Variants in SUMF1 observed in about 807,000 individuals in gnomAD.
The protein encoded by SUMF1 is sulfatase modifying factor 1.
In SUMF1, 48 loss-of-function variants were observed where a neutral mutation model predicts 47.6. The ratio of observed to expected loss-of-function variants is 1.01; its 90% CI spans 0.80 to 1.28. SUMF1 has a LOEUF of 1.28. Ranked by LOEUF, SUMF1 falls within the 50% of genes most tolerant of loss-of-function variation. The pLI is 0.00. For missense variants in SUMF1, 571 were observed against 485.4 expected, an observed-to-expected ratio of 1.18 and a Z score of -1.66; for synonymous variants, 230 against 192.1, an observed-to-expected ratio of 1.20 and a Z score of -1.63.
At chr3:4,335,296 C>A (rs4685739) in intron 8 of SUMF1, among the ~76,000 whole-genome samples, 1 of 151,486 alleles carries the variant, frequency 6.6e-6, no homozygotes, top group Admixed American at 6.6e-5. Flanking sequence ...AAGACCAGAC[C>A]ACCCTACCTA....
intron 8 of SUMF1, among the ~76,000 whole-genome samples, chr3:4,282,530 T>C (rs1217773756): frequency 2.6e-5 from 4 of 152,160 alleles, no homozygotes; most frequent in Non-Finnish European, 5.9e-5. Flanking sequence ...GTACTGCGAG[T>C]GGGGAAAAAT....
At chr3:4,113,635 T>C (rs1007011222) in intron 8 of SUMF1, among the ~76,000 whole-genome samples, 3 of 152,052 alleles carry the variant, frequency 2.0e-5, no homozygotes, top group Non-Finnish European at 4.4e-5. Flanking sequence ...TTTAAACTAG[T>C]AATGCTAAAA....
chr3:4,427,435 A>G (rs1702103191), intron 3 of SUMF1, among the ~76,000 whole-genome samples: 1 of 152,236 alleles, frequency 6.6e-6, no homozygotes, highest in Admixed American at 6.5e-5. Context: ...TGGAGTAAAG[A>G]GCACACAGTA....
At chr3:4,072,223 T>C (rs926606351) in intron 8 of SUMF1, among the ~76,000 whole-genome samples, 2 of 152,084 alleles carry the variant, frequency 1.3e-5, no homozygotes, top group African/African-American at 2.4e-5. Flanking sequence ...GAAGGAAAAC[T>C]AACGAATACA....
At chr3:4,432,375 C>A (rs984705898) in intron 3 of SUMF1, among the ~76,000 whole-genome samples, 4 of 152,188 alleles carry the variant, frequency 2.6e-5, no homozygotes. Context: ...TCACAAAACC[C>A]CATACAGAAC....
chr3:4,190,879 A>C (rs1157603002), intron 8 of SUMF1, among the ~76,000 whole-genome samples: 1 of 152,136 alleles, frequency 6.6e-6, no homozygotes, highest in Non-Finnish European at 1.5e-5. Context: ...CTATGTCCCC[A>C]CTATAATCGG....
intron 8 of SUMF1, among the ~76,000 whole-genome samples, chr3:4,150,181 T>G (rs1694285176): frequency 1.3e-5 from 2 of 151,940 alleles, no homozygotes; most frequent in African/African-American, 4.8e-5. Context: ...GCAGCCTTGA[T>G]CTCCTGGGCT....
At chr3:4,450,391 T>C (rs779007834) in intron 2 of SUMF1, among the ~76,000 whole-genome samples, 2 of 152,212 alleles carry the variant, frequency 1.3e-5, no homozygotes, top group African/African-American at 2.4e-5. Flanking sequence ...TGGATCCTTA[T>C]ATTGCAGATC....
chr3:4,235,759 A>AT (rs1247890198), intron 8 of SUMF1, among the ~76,000 whole-genome samples: 1 of 151,926 alleles, frequency 6.6e-6, no homozygotes, highest in Non-Finnish European at 1.5e-5. Context: ...ATCTGCTGAT[A>AT]TTTTTTATGC....
Position 4,418,129 on chromosome 3 carries a change from C to T in SUMF1, c.606G>A (p.Pro202=), listed in dbSNP as rs141957829. The change falls in exon 5 of 9, where the codon CCG becomes CCA. Residue 202 remains proline, a synonymous_variant. Coordinates refer to ENST00000272902, the MANE Select transcript of SUMF1 (RefSeq NM_182760.4). ...AGGACACATGGAGAACTGGATGATC[C>T]GGCCTGGGGAAGAGCAAAAGTAGAA... ...EGPDSTILHR[P]DHPVLHVSWN... is the part of the protein sequence containing the mutation. 208 of 1,613,864 alleles carry T rather than the reference C, an allele frequency of 1.3e-4. No homozygotes were observed. The highest frequency in any genetic ancestry group is 1.3e-4 in the South Asian group (12 of 91,060).
At chr3:4,230,625 C>G (rs916171868) in intron 8 of SUMF1, among the ~76,000 whole-genome samples, 1 of 152,084 alleles carries the variant, frequency 6.6e-6, no homozygotes, top group Non-Finnish European at 1.5e-5. Flanking sequence ...CCAGAGGATT[C>G]ATAACCTAGG....
At chr3:4,309,899 TC>T (rs1178951439) in intron 8 of SUMF1, among the ~76,000 whole-genome samples, 1 of 152,232 alleles carries the variant, frequency 6.6e-6, no homozygotes, top group Non-Finnish European at 1.5e-5. Context: ...GAGAAATGCA[TC>T]ATTAGACAAT....
intron 8 of SUMF1, chr3:4,316,307 C>G (rs1379012715): frequency 1.8e-6 from 2 of 1,136,138 alleles, no homozygotes; most frequent in South Asian, 2.6e-5. Context: ...CTCGCAACAT[C>G]AACAATGCAT....
At chr3:4,227,372 C>A (rs1258675272) in intron 8 of SUMF1, among the ~76,000 whole-genome samples, 1 of 126,840 alleles carries the variant, frequency 7.9e-6, no homozygotes, top group Non-Finnish European at 1.9e-5. Context: ...ACACAAAATA[C>A]ACTACATTTC....
intron 8 of SUMF1, among the ~76,000 whole-genome samples, chr3:4,107,693 C>A (rs976261624): frequency 1.3e-5 from 2 of 152,000 alleles, no homozygotes; most frequent in Non-Finnish European, 2.9e-5. Context: ...CAACTCATGT[C>A]GGTAATAGCA....
intron 8 of SUMF1, among the ~76,000 whole-genome samples, chr3:4,306,960 A>G (rs971737960): frequency 6.6e-6 from 1 of 152,260 alleles, no homozygotes; most frequent in African/African-American, 2.4e-5. Flanking sequence ...ACCATTTTTC[A>G]GGTCTCTGAA....
In SUMF1 at chr3:4,205,431, G is replaced by A. The variant is rs547036171; in HGVS notation, c.1015-136686C>T. On this transcript the variant is annotated intron_variant and NMD_transcript_variant, in intron 8 of 12. Transcript: ENST00000448413. ...AGCTTGTCTGGTGGTCTCTTCACAC[G>A]GACACATGAGACAGTTATGTTTTCT... Among the ~76,000 whole-genome samples, 35 of 152,214 alleles carry A rather than the reference G, an allele frequency of 2.3e-4. 1 individual carries two copies. In the East Asian group the frequency reaches 6.8e-3, roughly 29 times the overall value.
At chr3:4,304,290 G>A (rs1047155906) in intron 8 of SUMF1, among the ~76,000 whole-genome samples, 2 of 151,444 alleles carry the variant, frequency 1.3e-5, no homozygotes, top group African/African-American at 2.4e-5. Context: ...TACAGGCATG[G>A]GCCACCACGC....
intron 9 of SUMF1, among the ~76,000 whole-genome samples, chr3:4,056,743 T>A (rs190534898): frequency 2.0e-5 from 3 of 152,196 alleles, no homozygotes; most frequent in African/African-American, 7.2e-5. Context: ...CCATAATTTT[T>A]TTTATTTATT....
Sources: allele counts gnomAD v4.1 joint callset (sites outside exome capture counted in the v4.1 genomes callset), GRCh38; gene constraint gnomAD v4.1.1; transcripts MANE v1.5; gene names NCBI Gene and HGNC (gene_info 2026-07-23, HGNC 2026-07-21).